Variants in TMC5 observed in about 807,000 individuals in gnomAD.
The protein encoded by TMC5 is transmembrane channel-like protein 5.
TMC5 carries 86 observed loss-of-function variants against 110.5 expected under a neutral mutation model. That is an observed-to-expected ratio of 0.78 (90% CI 0.65 to 0.93). The LOEUF (loss-of-function observed/expected upper bound fraction) is 0.93. Ranked by LOEUF, TMC5 falls within the 40% of genes least tolerant of loss-of-function variation. The probability of loss-of-function intolerance (pLI) is 0.00; values close to 1 mark genes in which losing one functional copy is unlikely to be tolerated. For synonymous variants in TMC5, 455 were observed against 439.5 expected (o/e 1.04, Z -0.44); for missense variants, 1,144 against 1,222.8 (o/e 0.94, Z 0.96).
At chr16:19,485,578 A>G (rs930810721) in intron 15 of TMC5, among the ~76,000 whole-genome samples, 2 of 152,156 alleles carry the variant, frequency 1.3e-5, no homozygotes, top group African/African-American at 4.8e-5. Context: ...GATTACAGGC[A>G]TGAGCCACCA....
chr16:19,452,498 C>T (rs149090947), intron 5 of TMC5, among the ~76,000 whole-genome samples: 19 of 152,200 alleles, frequency 1.2e-4, no homozygotes, highest in African/African-American at 4.3e-4. Context: ...AGGTGGATCA[C>T]CTAAGGTCAG....
At chr16:19,435,540 A>C (rs1310897890) in intron 2 of TMC5, among the ~76,000 whole-genome samples, 1 of 152,014 alleles carries the variant, frequency 6.6e-6, no homozygotes, top group African/African-American at 2.4e-5. Context: ...GTATTTACAG[A>C]GATGTGCACA....
chr16:19,456,063 C>T (rs557532912), intron 5 of TMC5, among the ~76,000 whole-genome samples: 41 of 151,788 alleles, frequency 2.7e-4, no homozygotes, highest in South Asian at 6.3e-4. Flanking sequence ...AAAAATTAGC[C>T]GGGCATGGTG....
chr16:19,454,761 C>G (rs957223577), intron 5 of TMC5, among the ~76,000 whole-genome samples: 1 of 152,126 alleles, frequency 6.6e-6, no homozygotes, highest in African/African-American at 2.4e-5. Flanking sequence ...GAAATTAGAT[C>G]TATTGGATAG....
intron 5 of TMC5, among the ~76,000 whole-genome samples, chr16:19,453,285 C>T (rs943212959): frequency 2.0e-5 from 3 of 151,928 alleles, no homozygotes; most frequent in African/African-American, 4.8e-5. Context: ...GAAACCCCAT[C>T]TCTATGAAAA....
Position 19,474,127 on chromosome 16 carries a change from C to T in TMC5, c.1941C>T (p.Phe647=), listed in dbSNP as rs1468760332. 1.2e-6 allele frequency: 2 copies of T among 1,613,462 alleles called. No homozygotes were observed. Among genetic ancestry groups the T allele is most frequent in the Non-Finnish European group, 1.7e-6 (2 of 1,179,888 alleles). The change falls in exon 12 of 22, where the codon TTC becomes TTT. Residue 647 remains phenylalanine, a splice_region_variant and synonymous_variant. Coordinates refer to ENST00000542583, the MANE Select transcript of TMC5 (RefSeq NM_001261841.2). ...GTTCTCTCCCCCATCCCCTGCAGTT[C>T]CTGAAGACACACAGTAACCCTGGGG... ...VYYLAEYNLE[F]LKTHSNPGAV...
chr16:19,465,305 G>A (rs991062165), intron 8 of TMC5, among the ~76,000 whole-genome samples: 4 of 151,950 alleles, frequency 2.6e-5, no homozygotes, highest in Admixed American at 6.6e-5. Context: ...AGGCCGAGGC[G>A]GGTGGATCAC....
At chr16:19,490,618 G>C (rs1968863369) in intron 18 of TMC5, 50 bp downstream of exon 18, 1 of 1,594,524 alleles carries the variant, frequency 6.3e-7, no homozygotes, top group South Asian at 1.1e-5. Flanking sequence ...GAGCTCTCGA[G>C]GGAAACAGCA....
intron 2 of TMC5, among the ~76,000 whole-genome samples, chr16:19,439,370 C>T (rs984702601): frequency 3.3e-5 from 5 of 152,140 alleles, no homozygotes; most frequent in African/African-American, 1.2e-4. Context: ...ACCCTAGAAC[C>T]TCAAGTGTAA....
Position 19,468,478 on chromosome 16 carries a change from C to T in TMC5, c.1638-1203C>T, listed in dbSNP as rs535280466. On this transcript the variant is annotated intron_variant, in intron 9 of 21. Transcript: ENST00000542583. The stretch of plus-strand genomic sequence containing the variant: ...GGAAGGCTGAATAATCTCCCCCGAC[C>T]CCCCCCAGAGAAGTCTACATCCTAA... 3.9e-5 allele frequency among the ~76,000 whole-genome samples: 6 copies of T among 152,084 alleles called. No individual in the cohort carries two copies. The East Asian group carries it at 1.2e-3, about 29-fold the overall frequency.
intron 2 of TMC5, among the ~76,000 whole-genome samples, chr16:19,431,823 C>T (rs1364940074): frequency 6.6e-6 from 1 of 152,146 alleles, no homozygotes; most frequent in East Asian, 1.9e-4. Context: ...TCACAGCTGG[C>T]CATCTTCTGC....
At chr16:19,485,958 G>C (rs1410735287) in intron 15 of TMC5, among the ~76,000 whole-genome samples, 1 of 152,178 alleles carries the variant, frequency 6.6e-6, no homozygotes, top group Admixed American at 6.5e-5. Context: ...AAGGAGAGGG[G>C]CAAGGCATGT....
chr16:19,414,008 G>A (rs1041407231), upstream of TMC5, among the ~76,000 whole-genome samples: 3 of 152,206 alleles, frequency 2.0e-5, no homozygotes, highest in Non-Finnish European at 4.4e-5. Context: ...GGCCACTTAC[G>A]TATTACAATG....
chr16:19,477,291 C>T, intron 12 of TMC5, 149 bp from the exon 13 acceptor site: 1 of 634,002 alleles, frequency 1.6e-6, no homozygotes. Context: ...CTTCTGTTCA[C>T]AATTCATTCA....
upstream of TMC5, among the ~76,000 whole-genome samples, chr16:19,413,523 C>CAAAA (rs869158130): frequency 1.7e-4 from 9 of 52,980 alleles, 3 homozygotes; most frequent in African/African-American, 4.4e-4. Context: ...AACCCTGCCT[C>CAAAA]AAAAAAAAAA....
chr16:19,470,630 C>G (rs73540130), intron 10 of TMC5, among the ~76,000 whole-genome samples: 1,857 of 146,840 alleles, frequency 0.013, 40 homozygotes, highest in African/African-American at 0.044. Flanking sequence ...TCCTACAATG[C>G]GTAGAACAGC....
intron 6 of TMC5, among the ~76,000 whole-genome samples, chr16:19,461,525 G>C (rs181846925): frequency 1.3e-3 from 200 of 151,918 alleles, no homozygotes; most frequent in African/African-American, 4.5e-3. Context: ...AGTGAGCCAA[G>C]ATCACACCAC....
chr16:19,443,769 GATGGATGGATGGTAA>G lies in TMC5; in HGVS notation c.789-299_789-285del, dbSNP rs1412536447. On this transcript the variant is annotated intron_variant, in intron 3 of 21. Transcript: ENST00000542583. ...GGATGGATGAATGTATGTATGGTTGGATGGATGGATGGTAAATGGATGGATGGATAAATGGATGGA... is the reference window on the plus strand; with the variant it reads ...GGATGGATGAATGTATGTATGGTTGGATGGATGGATGGATAAATGGATGGA... 4.6e-5 allele frequency among the ~76,000 whole-genome samples: 7 copies of G among 151,912 alleles called. No individual in the cohort carries two copies. The South Asian group carries it at 6.2e-4, about 14-fold the overall frequency.
intron 12 of TMC5, among the ~76,000 whole-genome samples, chr16:19,475,617 A>G (rs115649486): frequency 0.028 from 4,294 of 151,996 alleles, 211 homozygotes; most frequent in African/African-American, 0.096. Context: ...ATGCCAAACC[A>G]TATTCCCACC....
Sources: gnomAD v4.1 joint callset for allele counts (sites outside exome capture counted in the v4.1 genomes callset) on GRCh38, gnomAD v4.1.1 for gene constraint, MANE v1.5 for transcripts, NCBI Gene and HGNC (gene_info 2026-07-23, HGNC 2026-07-21) for gene names.